CHST8: variants seen among roughly 807,000 people sequenced by gnomAD.
CHST8 encodes the protein carbohydrate sulfotransferase 8, also known as GALNAC-4-ST1.
Under a neutral mutation model 15.0 loss-of-function variants are expected in CHST8, and 10 were observed. The ratio of observed to expected loss-of-function variants is 0.67; its 90% CI spans 0.41 to 1.13. CHST8 has a LOEUF of 1.13. Among genes scored for constraint, CHST8 ranks in the 50% most tolerant of loss-of-function variants. The pLI, the probability that CHST8 is intolerant of heterozygous loss-of-function variation, is 0.00. For synonymous variants in CHST8, 259 were observed against 256.6 expected, an observed-to-expected ratio of 1.01 and a Z score of -0.09; for missense variants, 634 against 608.2, an observed-to-expected ratio of 1.04 and a Z score of -0.45.
Position 33,772,107 on chromosome 19 carries a change from C to G in CHST8, c.319C>G (p.Leu107Val). The G allele has an allele frequency of 1.9e-6, 3 of 1,611,548 alleles. No individual in the cohort carries two copies. Among genetic ancestry groups the G allele is most frequent in the Non-Finnish European group, 2.5e-6 (3 of 1,179,386 alleles). The change falls in exon 5 of 5, where the codon CTC (leucine) becomes GTC (valine). Residue 107 changes from leucine (L) to valine (V), a missense_variant. Coordinates refer to ENST00000650847, the MANE Select transcript of CHST8 (RefSeq NM_001127895.2). Reference sequence around the variant, plus strand: ...GCTGCAGAGGGGAACCCGTCTGCGGCTCCGCCAGCGCCGTCGCCGTCTGCT... The same window carrying G: ...GCTGCAGAGGGGAACCCGTCTGCGGGTCCGCCAGCGCCGTCGCCGTCTGCT... ...PPLQRGTRLR[L>V]RQRRRRLLIK... is the part of the protein sequence containing the mutation.
At chr19:33,706,018 A>G (rs1458155926) in intron 3 of CHST8, among the ~76,000 whole-genome samples, 1 of 152,198 alleles carries the variant, frequency 6.6e-6, no homozygotes, top group African/African-American at 2.4e-5. Flanking sequence ...TCTATTTTAT[A>G]GATGAAAAAA....
At chr19:33,743,508 A>G (rs991509114) in intron 3 of CHST8, among the ~76,000 whole-genome samples, 5 of 151,860 alleles carry the variant, frequency 3.3e-5, no homozygotes, top group African/African-American at 1.2e-4. Flanking sequence ...TCACCGTGTT[A>G]GCCAGGATGG....
rs976369402 is a variant in CHST8 at position 33,685,830 on chromosome 19, C to T, written c.-86-3346C>T. ...TGCGACTTGGAAGCCTGGGGTCCTCCGAGGAACAATAGAGGATTCTACACC... is the reference window on the plus strand; with the variant it reads ...TGCGACTTGGAAGCCTGGGGTCCTCTGAGGAACAATAGAGGATTCTACACC... On this transcript the variant is annotated intron_variant, in intron 2 of 4. Transcript: ENST00000650847. Among the ~76,000 whole-genome samples the T allele has an allele frequency of 4.6e-5, 7 of 152,088 alleles. No homozygotes were observed. In the South Asian group the frequency reaches 1.2e-3, roughly 27 times the overall value.
intron 3 of CHST8, among the ~76,000 whole-genome samples, chr19:33,718,315 C>T (rs1288845456): frequency 2.6e-5 from 4 of 151,016 alleles, no homozygotes; most frequent in African/African-American, 7.3e-5. Context: ...AACTCCTGGA[C>T]TCAAGTGATC....
intron 3 of CHST8, among the ~76,000 whole-genome samples, chr19:33,697,122 C>T (rs998492219): frequency 7.2e-5 from 11 of 151,990 alleles, no homozygotes; most frequent in East Asian, 1.9e-4. Context: ...GGATTACAGG[C>T]GGGAACCACC....
At chr19:33,741,265 G>A (rs1356326737) in intron 3 of CHST8, among the ~76,000 whole-genome samples, 1 of 152,188 alleles carries the variant, frequency 6.6e-6, no homozygotes, top group Non-Finnish European at 1.5e-5. Flanking sequence ...CTGCAAGGCT[G>A]CGTTTTATTC....
intron 3 of CHST8, among the ~76,000 whole-genome samples, chr19:33,742,224 G>A (rs1165861475): frequency 6.6e-5 from 10 of 152,128 alleles, no homozygotes; most frequent in African/African-American, 2.2e-4. Context: ...CTCTCCTTTG[G>A]TCACTGAGTT....
chr19:33,642,576 T>A (rs1401318220), intron 1 of CHST8, among the ~76,000 whole-genome samples: 1 of 152,156 alleles, frequency 6.6e-6, no homozygotes, highest in South Asian at 2.1e-4. Context: ...TTGGCCAGGC[T>A]GGTCTTGAAC....
At chr19:33,669,239 A>G (rs540816042) in intron 2 of CHST8, among the ~76,000 whole-genome samples, 1 of 152,306 alleles carries the variant, frequency 6.6e-6, no homozygotes, top group South Asian at 2.1e-4. Flanking sequence ...CACAGAGTTC[A>G]CATTGTCACA....
intron 1 of CHST8, among the ~76,000 whole-genome samples, chr19:33,635,813 G>T (rs1465976562): frequency 3.3e-5 from 5 of 152,146 alleles, no homozygotes; most frequent in African/African-American, 1.2e-4. Flanking sequence ...TTACCTCAAA[G>T]GCCAGGGGTG....
intron 3 of CHST8, among the ~76,000 whole-genome samples, chr19:33,705,356 C>T (rs950274493): frequency 3.9e-5 from 6 of 152,218 alleles, no homozygotes; most frequent in Non-Finnish European, 7.3e-5. Flanking sequence ...TACCTGTTCA[C>T]TGTTCAGGTC....
intron 3 of CHST8, among the ~76,000 whole-genome samples, chr19:33,712,862 T>A (rs1264843265): frequency 6.6e-6 from 1 of 152,114 alleles, no homozygotes; most frequent in Non-Finnish European, 1.5e-5. Flanking sequence ...CCCTCTGCCC[T>A]CTCACTCTGC....
intron 2 of CHST8, among the ~76,000 whole-genome samples, chr19:33,675,203 C>T (rs1360936915): frequency 6.6e-6 from 1 of 152,080 alleles, no homozygotes; most frequent in African/African-American, 2.4e-5. Context: ...AGTAGCCAGG[C>T]CTGCACCACC....
intron 1 of CHST8, among the ~76,000 whole-genome samples, chr19:33,624,415 C>G (rs1361035036): frequency 6.6e-6 from 1 of 152,098 alleles, no homozygotes; most frequent in Non-Finnish European, 1.5e-5. Flanking sequence ...GTTAGAGATG[C>G]CTTTATAATC....
chr19:33,707,377 C>T (rs942680420), intron 3 of CHST8, among the ~76,000 whole-genome samples: 10 of 152,128 alleles, frequency 6.6e-5, no homozygotes, highest in Non-Finnish European at 1.2e-4. Flanking sequence ...ATTCCATTGC[C>T]CCCGCCACTA....
intron 1 of CHST8, among the ~76,000 whole-genome samples, chr19:33,647,007 G>C (rs528148464): frequency 8.5e-5 from 13 of 152,226 alleles, no homozygotes; most frequent in Non-Finnish European, 7.3e-5. Context: ...AATGAACAAA[G>C]ACAGCTTGTG....
At chr19:33,657,242 T>C (rs8100243) in intron 1 of CHST8, among the ~76,000 whole-genome samples, 42,217 of 150,116 alleles carry the variant, frequency 0.28, 7,340 homozygotes, top group African/African-American at 0.48. Context: ...TACACACACA[T>C]ATATATATAC....
At chr19:33,724,171 A>G (rs1167105532) in intron 3 of CHST8, among the ~76,000 whole-genome samples, 1 of 152,092 alleles carries the variant, frequency 6.6e-6, no homozygotes, top group Non-Finnish European at 1.5e-5. Context: ...CTCTGGCCTC[A>G]AGCTTTAGAT....
intron 3 of CHST8, among the ~76,000 whole-genome samples, chr19:33,706,633 A>T (rs1359563468): frequency 2.0e-5 from 3 of 152,186 alleles, no homozygotes; most frequent in Non-Finnish European, 2.9e-5. Flanking sequence ...GCAGGCACTC[A>T]GCAAAGCCAA....
Sources: gnomAD v4.1 joint callset for allele counts (sites outside exome capture counted in the v4.1 genomes callset) on GRCh38, gnomAD v4.1.1 for gene constraint, MANE v1.5 for transcripts, NCBI Gene and HGNC (gene_info 2026-07-23, HGNC 2026-07-21) for gene names.